The following GAS7 variants were observed in gnomAD, a reference collection of about 807,000 sequenced individuals.
The protein encoded by GAS7 is growth arrest specific 7, also known as growth arrest-specific protein 7.
A neutral mutation model predicts 71.1 loss-of-function variants in GAS7; 28 were observed. The observed-to-expected ratio is 0.39, with a 90% CI of 0.29 to 0.54. GAS7 has a LOEUF of 0.54. GAS7 is among the 20% of genes least tolerant of loss of function. The pLI, the probability that GAS7 is intolerant of heterozygous loss-of-function variation, is 0.62. For missense variants in GAS7, 436 were observed against 627.8 expected, an observed-to-expected ratio of 0.69 and a Z score of 3.27; for synonymous variants, 258 against 245.8, an observed-to-expected ratio of 1.05 and a Z score of -0.46.
At chr17:9,947,406 A>G (rs1265790207) in intron 5 of GAS7, among the ~76,000 whole-genome samples, 3 of 152,196 alleles carry the variant, frequency 2.0e-5, no homozygotes, top group Non-Finnish European at 4.4e-5. Flanking sequence ...TGAGATAGAC[A>G]TCTATGGAAA....
At chr17:10,054,978 A>G (rs1473098392) in intron 1 of GAS7, among the ~76,000 whole-genome samples, 2 of 152,170 alleles carry the variant, frequency 1.3e-5, no homozygotes, top group African/African-American at 4.8e-5. Flanking sequence ...GAAGGTTTGG[A>G]AGTGGAGGAG....
Position 9,927,696 on chromosome 17 carries a change from G to A in GAS7, c.886-927C>T, listed in dbSNP as rs538356309. Among the ~76,000 whole-genome samples, 10 of 152,222 alleles carry A rather than the reference G, an allele frequency of 6.6e-5. No homozygotes were observed. The South Asian group carries it at 1.7e-3, about 25-fold the overall frequency. ...TACGCGGCTTCAGTAAAGAACAGTC[G>A]AATGAATGCCATTCAATTAGAAGGT... On this transcript the variant is annotated intron_variant, in intron 9 of 13. Coordinates refer to ENST00000432992, the MANE Select transcript of GAS7 (RefSeq NM_201433.2).
At chr17:10,135,736 G>A (rs965745178) in intron 1 of GAS7, among the ~76,000 whole-genome samples, 3 of 152,108 alleles carry the variant, frequency 2.0e-5, no homozygotes, top group Non-Finnish European at 2.9e-5. Flanking sequence ...ACCCACTGCA[G>A]ACATCCACAG....
intron 7 of GAS7, among the ~76,000 whole-genome samples, chr17:9,941,206 C>T (rs151184612): frequency 1.0e-3 from 159 of 152,342 alleles, no homozygotes; most frequent in African/African-American, 3.8e-3. Flanking sequence ...CCCTCACCTC[C>T]ACCTTCAACT....
intron 1 of GAS7, among the ~76,000 whole-genome samples, chr17:10,031,352 T>C (rs1672318634): frequency 6.6e-6 from 1 of 152,212 alleles, no homozygotes; most frequent in Admixed American, 6.5e-5. Flanking sequence ...ACGCAGTCCC[T>C]GCAGCAAGGA....
At chr17:10,162,067 A>T (rs1293497165) in intron 1 of GAS7, among the ~76,000 whole-genome samples, 3 of 14,798 alleles carry the variant, frequency 2.0e-4, no homozygotes, top group African/African-American at 1.4e-3. Flanking sequence ...ACTCCATCTC[A>T]AAAAAAAAAA....
chr17:10,019,172 G>A (rs1213035260), intron 2 of GAS7, among the ~76,000 whole-genome samples: 1 of 152,108 alleles, frequency 6.6e-6, no homozygotes, highest in South Asian at 2.1e-4. Context: ...GGTCATTGAG[G>A]TGTGGTCCTA....
chr17:10,025,653 G>T (rs2072438722), intron 1 of GAS7, among the ~76,000 whole-genome samples: 1 of 151,264 alleles, frequency 6.6e-6, no homozygotes, highest in Non-Finnish European at 1.5e-5. Flanking sequence ...TCCCCCCACA[G>T]CAGTGTTTTT....
intron 1 of GAS7, among the ~76,000 whole-genome samples, chr17:10,158,354 A>ACAAAAAG (rs2074222642): frequency 6.6e-6 from 1 of 151,072 alleles, no homozygotes; most frequent in African/African-American, 2.4e-5. Flanking sequence ...AAAAAAAAAA[A>ACAAAAAG]AAAAAACAAG....
chr17:9,939,242 T>C (rs749532088), intron 8 of GAS7, among the ~76,000 whole-genome samples: 1 of 152,224 alleles, frequency 6.6e-6, no homozygotes. Flanking sequence ...GGCTGTACCA[T>C]ATTCCATTTC....
intron 1 of GAS7, among the ~76,000 whole-genome samples, chr17:10,025,349 A>G (rs2072425853): frequency 6.6e-6 from 1 of 151,902 alleles, no homozygotes. Context: ...ACTCAGCTCC[A>G]TTTCCTCACT....
intron 2 of GAS7, among the ~76,000 whole-genome samples, chr17:10,011,197 T>C (rs183292173): frequency 2.0e-5 from 3 of 152,350 alleles, no homozygotes; most frequent in East Asian, 3.9e-4. Context: ...GGACTCTTCA[T>C]AGTTCCATCA....
chr17:10,089,888 C>G (rs2073562635), intron 1 of GAS7, among the ~76,000 whole-genome samples: 1 of 152,144 alleles, frequency 6.6e-6, no homozygotes, highest in African/African-American at 2.4e-5. Flanking sequence ...TGACTGGAGG[C>G]CGGGTGCAGT....
chr17:10,061,642 G>A (rs956712176), intron 1 of GAS7, among the ~76,000 whole-genome samples: 6 of 152,188 alleles, frequency 3.9e-5, no homozygotes, highest in African/African-American at 1.2e-4. Flanking sequence ...CACAAGCACC[G>A]ACAGGAATGC....
Position 9,982,866 on chromosome 17 carries a change from A to AAAGC in GAS7, c.305-986_305-983dup, listed in dbSNP as rs199980489. ...GAAAGAAAGAAAGAAAGAAAGAAAG[A>AAAGC]AAGCAAAGAAAGCAAAGAAAGAGAG... On this transcript the variant is annotated intron_variant, in intron 2 of 13. Coordinates refer to ENST00000432992, the MANE Select transcript of GAS7 (RefSeq NM_201433.2). 1.8e-3 allele frequency among the ~76,000 whole-genome samples: 260 copies of AAAGC among 144,636 alleles called. 2 individuals carry two copies. Among genetic ancestry groups the AAAGC allele is most frequent in the East Asian group, 8.4e-3 (42 of 5,000 alleles). 94.9% of individuals were successfully genotyped at this position (144,636 alleles called of 152,430 possible). A position where few individuals can be genotyped will look rare whatever the true frequency, so the allele number is the denominator to read the frequency against.
At chr17:9,932,192 C>CCA (rs2068233522) in intron 9 of GAS7, among the ~76,000 whole-genome samples, 1 of 137,728 alleles carries the variant, frequency 7.3e-6, no homozygotes, top group African/African-American at 2.7e-5. Context: ...AGGTCCCCCC[C>CCA]GCTTTTTTTT....
At chr17:9,966,281 A>G (rs1293678804) in intron 4 of GAS7, among the ~76,000 whole-genome samples, 1 of 149,876 alleles carries the variant, frequency 6.7e-6, no homozygotes, top group Non-Finnish European at 1.5e-5. Flanking sequence ...TACAGGCTTG[A>G]GCCACCACGA....
intron 1 of GAS7, among the ~76,000 whole-genome samples, chr17:10,054,028 T>C (rs1294335189): frequency 6.6e-6 from 1 of 152,178 alleles, no homozygotes; most frequent in African/African-American, 2.4e-5. Flanking sequence ...GTTGCACACG[T>C]AGGCACTCCA....
At position 9,917,988 on chromosome 17, in the gene GAS7, G is replaced by A; in HGVS notation, c.1317+13C>T. 1 of 1,597,880 alleles carries A rather than the reference G, an allele frequency of 6.3e-7. No homozygotes were observed. On this transcript the variant is annotated intron_variant, in intron 13 of 13. Coordinates refer to ENST00000432992, the MANE Select transcript of GAS7 (RefSeq NM_201433.2). ...CCGTGTCGCCCGGGAGCCCCGCTGG[G>A]CTGGAAACTCACGCTTTGGTTGAAC...
Sources: gnomAD v4.1 joint callset for allele counts (sites outside exome capture counted in the v4.1 genomes callset) on GRCh38, gnomAD v4.1.1 for gene constraint, MANE v1.5 for transcripts, NCBI Gene and HGNC (gene_info 2026-07-23, HGNC 2026-07-21) for gene names.